The following ERO1B variants were observed in gnomAD, a reference collection of about 807,000 sequenced individuals.
ERO1B encodes endoplasmic reticulum oxidoreductase 1 beta, also known as ERO1-like protein beta.
ERO1B carries 49 observed loss-of-function variants against 75.3 expected under a neutral mutation model. The ratio of observed to expected loss-of-function variants is 0.65; its 90% confidence interval spans 0.52 to 0.83. The LOEUF (loss-of-function observed/expected upper bound fraction) is 0.83, where lower values mean the gene tolerates loss of function less well. Among genes scored for constraint, ERO1B ranks in the 40% least tolerant of loss-of-function variants. The pLI, the probability that ERO1B is intolerant of heterozygous loss-of-function variation, is 0.00. For synonymous variants in ERO1B, 191 were observed against 192.9 expected, an observed-to-expected ratio of 0.99 and a Z score of 0.08; for missense variants, 512 against 560.1, an observed-to-expected ratio of 0.91 and a Z score of 0.87.
At chr1:236,222,038 A>G in intron 13 of ERO1B, 28 bp from the exon 14 acceptor site, 2 of 1,565,890 alleles carry the variant, frequency 1.3e-6, no homozygotes, top group Non-Finnish European at 1.8e-6. Context: ...TTTTCAGTCT[A>G]ATTAGACTTT....
chr1:236,254,868 C>T (rs1405476481), intron 2 of ERO1B, among the ~76,000 whole-genome samples: 3 of 151,722 alleles, frequency 2.0e-5, no homozygotes, highest in Non-Finnish European at 4.4e-5. Flanking sequence ...CTGCCTTGGC[C>T]TCCCAAAGTG....
chr1:236,253,984 C>T (rs931555023), intron 2 of ERO1B, among the ~76,000 whole-genome samples: 3 of 152,084 alleles, frequency 2.0e-5, no homozygotes, highest in South Asian at 2.1e-4. Flanking sequence ...GTGAGGCTAG[C>T]GGATGGAGGC....
At chr1:236,234,512 C>T (rs1451983749) in intron 8 of ERO1B, among the ~76,000 whole-genome samples, 1 of 152,064 alleles carries the variant, frequency 6.6e-6, no homozygotes, top group Non-Finnish European at 1.5e-5. Context: ...TTAATTAAAA[C>T]CTTTAAGTTG....
In ERO1B at chr1:236,236,417, A is replaced by G; in HGVS notation, c.506-19T>C. The stretch of plus-strand genomic sequence containing the variant: ...CTCTCATCTGAACAAGAAAAAATTC[A>G]TAAAAACCATCCATATTTCACCATT... On this transcript the variant is annotated intron_variant, in intron 6 of 15. Coordinates refer to ENST00000354619, the MANE Select transcript of ERO1B (RefSeq NM_019891.4). 1 of 1,612,308 alleles carries G rather than the reference A, an allele frequency of 6.2e-7. No individual in the cohort carries two copies. The highest frequency in any genetic ancestry group is 1.7e-5 in the Admixed American group (1 of 59,928).
intron 4 of ERO1B, among the ~76,000 whole-genome samples, chr1:236,250,889 A>G (rs1665009896): frequency 6.6e-6 from 1 of 152,060 alleles, no homozygotes; most frequent in African/African-American, 2.4e-5. Context: ...TGAGATAGGC[A>G]TGCCTTATGG....
intron 1 of ERO1B, among the ~76,000 whole-genome samples, chr1:236,270,866 A>T (rs1665573014): frequency 6.6e-6 from 1 of 152,064 alleles, no homozygotes; most frequent in Non-Finnish European, 1.5e-5. Context: ...TAGGGGATGG[A>T]TGATGGGGTA....
At chr1:236,235,674 T>A in intron 8 of ERO1B, 115 bp downstream of exon 8, 1 of 890,500 alleles carries the variant, frequency 1.1e-6, no homozygotes. Flanking sequence ...CACTTTTTGT[T>A]CATCATTCAA....
chr1:236,272,204 G>A (rs1049747073), intron 1 of ERO1B, among the ~76,000 whole-genome samples: 1 of 152,100 alleles, frequency 6.6e-6, no homozygotes, highest in African/African-American at 2.4e-5. Flanking sequence ...CCACTACCGG[G>A]CATCTATCTA....
chr1:236,259,235 G>A (rs190323957), intron 2 of ERO1B, among the ~76,000 whole-genome samples: 2 of 152,176 alleles, frequency 1.3e-5, no homozygotes, highest in Non-Finnish European at 2.9e-5. Flanking sequence ...AAAACCTTTA[G>A]TAGTTGCAGA....
intron 9 of ERO1B, among the ~76,000 whole-genome samples, chr1:236,231,039 C>T (rs1240300724): frequency 6.6e-6 from 1 of 152,066 alleles, no homozygotes; most frequent in East Asian, 1.9e-4. Flanking sequence ...AACCATAGTG[C>T]TTTTTAAATA....
intron 15 of ERO1B, 148 bp downstream of exon 15, chr1:236,220,684 A>C (rs1391650124): frequency 1.5e-6 from 1 of 657,786 alleles, no homozygotes; most frequent in African/African-American, 1.9e-5. Flanking sequence ...ACTTGTCAGC[A>C]TTAAGGCCTC....
chr1:236,253,731 T>A (rs1181490752), intron 2 of ERO1B, among the ~76,000 whole-genome samples: 1 of 152,186 alleles, frequency 6.6e-6, no homozygotes, highest in Non-Finnish European at 1.5e-5. Context: ...TTGAATGTCT[T>A]CCAGCCTCCT....
intron 4 of ERO1B, among the ~76,000 whole-genome samples, chr1:236,251,730 C>A (rs1298615568): frequency 6.6e-6 from 1 of 152,112 alleles, no homozygotes; most frequent in Non-Finnish European, 1.5e-5. Flanking sequence ...TAATTCTGAA[C>A]CTGCCAGGCT....
At chr1:236,278,575 G>C (rs1172990229) in intron 1 of ERO1B, among the ~76,000 whole-genome samples, 1 of 152,004 alleles carries the variant, frequency 6.6e-6, no homozygotes, top group African/African-American at 2.4e-5. Context: ...CACTATTTAA[G>C]TTCTAAGTTT....
At chr1:236,273,829 AAAG>A (rs1231504425) in intron 1 of ERO1B, among the ~76,000 whole-genome samples, 6 of 117,740 alleles carry the variant, frequency 5.1e-5, no homozygotes, top group African/African-American at 1.5e-4. Context: ...AAAAAAAAAA[AAAG>A]AGTTTCTCCA....
At chr1:236,252,120 T>G (rs781772648) in intron 3 of ERO1B, 29 bp from the exon 4 acceptor site, 14 of 1,441,926 alleles carry the variant, frequency 9.7e-6, no homozygotes, top group East Asian at 2.3e-5. Flanking sequence ...GCAAAAAAAT[T>G]TTTAAGTGAT....
intron 6 of ERO1B, among the ~76,000 whole-genome samples, chr1:236,241,147 G>A (rs182892093): frequency 6.6e-6 from 1 of 151,874 alleles, no homozygotes; most frequent in African/African-American, 2.4e-5. Context: ...ATATTCCCTA[G>A]TAAACTGGGT....
chr1:236,239,889 G>GTT (rs1664652380), intron 6 of ERO1B, among the ~76,000 whole-genome samples: 1 of 56,834 alleles, frequency 1.8e-5, no homozygotes, highest in Non-Finnish European at 4.5e-5. Flanking sequence ...GTGTGTGTGT[G>GTT]TGTATATATA....
In ERO1B at chr1:236,236,241, A is replaced by G. The variant is rs745854832; in HGVS notation, c.626+37T>C. 1.9e-6 allele frequency: 3 copies of G among 1,611,162 alleles called. No individual in the cohort carries two copies. The South Asian group carries it at 3.3e-5, about 18-fold the overall frequency. On this transcript the variant is annotated intron_variant, in intron 7 of 15. Transcript: ENST00000354619. Reference sequence around the variant, plus strand: ...AGCACCCGGCCTCTCCCGACCCTCTATCAGTCGTTCCTTCTTCCCCCACCC... The same window carrying G: ...AGCACCCGGCCTCTCCCGACCCTCTGTCAGTCGTTCCTTCTTCCCCCACCC...
Sources: gnomAD v4.1 joint callset for allele counts (sites outside exome capture counted in the v4.1 genomes callset) on GRCh38, gnomAD v4.1.1 for gene constraint, MANE v1.5 for transcripts, NCBI Gene and HGNC (gene_info 2026-07-23, HGNC 2026-07-21) for gene names.